RORA: variants seen among roughly 807,000 people sequenced by gnomAD.
RORA encodes the protein RAR related orphan receptor A.
RORA carries 7 observed loss-of-function variants against 69.5 expected under a neutral mutation model. That is an observed-to-expected ratio of 0.10 (90% confidence interval 0.06 to 0.19). The LOEUF (loss-of-function observed/expected upper bound fraction) is 0.19, where lower values mean the gene tolerates loss of function less well. Ranked by LOEUF, RORA falls within the 10% of genes least tolerant of loss-of-function variation. The pLI is 1.00. For missense variants in RORA, 457 were observed against 663.0 expected (o/e 0.69, Z 3.41); for synonymous variants, 261 against 240.8 (o/e 1.08, Z -0.78).
chr15:61,007,314 G>A (rs1894939253), intron 1 of RORA, among the ~76,000 whole-genome samples: 1 of 152,038 alleles, frequency 6.6e-6, no homozygotes, highest in African/African-American at 2.4e-5. Flanking sequence ...TAATTGATAG[G>A]CAATGTTTCT....
intron 2 of RORA, chr15:60,677,060 AC>A: frequency 2.5e-6 from 1 of 396,170 alleles, no homozygotes; most frequent in Non-Finnish European, 5.3e-6. Flanking sequence ...AGGAGTCCAT[AC>A]CCCAAACCAC....
chr15:60,878,302 G>A (rs1202997433), intron 1 of RORA, among the ~76,000 whole-genome samples: 1 of 144,918 alleles, frequency 6.9e-6, no homozygotes, highest in Non-Finnish European at 1.5e-5. Flanking sequence ...CGAGATCGCG[G>A]CATTGCACTC....
At chr15:60,769,136 A>G (rs2140879518) in intron 1 of RORA, among the ~76,000 whole-genome samples, 1 of 152,336 alleles carries the variant, frequency 6.6e-6, no homozygotes, top group South Asian at 2.1e-4. Context: ...CTTTCCCTTA[A>G]TAACAGGTTC....
At chr15:60,778,002 G>C (rs551550683) in intron 1 of RORA, among the ~76,000 whole-genome samples, 2 of 152,260 alleles carry the variant, frequency 1.3e-5, no homozygotes, top group South Asian at 2.1e-4. Context: ...TAATCCAATA[G>C]TCAATATGAG....
chr15:61,195,753 A>G (rs911677642), intron 1 of RORA: 1 of 152,342 alleles, frequency 6.6e-6, no homozygotes, highest in East Asian at 1.9e-4. Flanking sequence ...TTTTAGGTCT[A>G]TACCACTCAC....
Position 60,956,026 on chromosome 15 carries a change from T to C in RORA, c.166+273027A>G, listed in dbSNP as rs192886417. 2.7e-3 allele frequency among the ~76,000 whole-genome samples: 414 copies of C among 152,338 alleles called. 3 individuals carry two copies. The highest frequency in any genetic ancestry group is 9.4e-3 in the African/African-American group (391 of 41,578). On this transcript the variant is annotated intron_variant, in intron 1 of 10. Coordinates refer to ENST00000335670, the MANE Select transcript of RORA (RefSeq NM_134261.3). ...CTGGCACAATTTTAAAAAAGATTGC[T>C]TTACCTGGTTTTGTTTCCTTTCTGG... is the stretch of plus-strand genomic sequence containing the variant.
chr15:61,005,806 A>G, intron 1 of RORA, among the ~76,000 whole-genome samples: 1 of 152,184 alleles, frequency 6.6e-6, no homozygotes, highest in Non-Finnish European at 1.5e-5. Flanking sequence ...TCTAAACTAT[A>G]TAAACTTCCT....
At chr15:60,541,079 C>T (rs554307786) in intron 2 of RORA, among the ~76,000 whole-genome samples, 3 of 152,206 alleles carry the variant, frequency 2.0e-5, no homozygotes, top group South Asian at 2.1e-4. Flanking sequence ...GGGAAGGATC[C>T]GGTTTTTATT....
chr15:61,193,912 T>C (rs2079823514), intron 1 of RORA: 1 of 152,172 alleles, frequency 6.6e-6, no homozygotes, highest in Non-Finnish European at 1.5e-5. Context: ...GTTGTTGCTC[T>C]TAACGCGGCC....
At chr15:61,021,932 G>C (rs1792410746) in intron 1 of RORA, among the ~76,000 whole-genome samples, 1 of 152,170 alleles carries the variant, frequency 6.6e-6, no homozygotes, top group Non-Finnish European at 1.5e-5. Context: ...TACATGAATG[G>C]TATATCACCT....
chr15:60,499,297 G>A (rs1296444935), intron 10 of RORA, among the ~76,000 whole-genome samples: 1 of 152,138 alleles, frequency 6.6e-6, no homozygotes, highest in Non-Finnish European at 1.5e-5. Context: ...TATGGGAGGT[G>A]GAGGAGGGAG....
rs867793477 is a variant in RORA, at chr15:60,511,413, C to A, written c.633G>T (p.Gly211=). Residue 211 remains glycine, a synonymous_variant, in exon 5 of 11, where the codon GGG becomes GGT. Coordinates refer to ENST00000335670, the MANE Select transcript of RORA (RefSeq NM_134261.3). The surrounding 1 kb of genome is among the most constrained non-coding windows in gnomAD (Gnocchi z 6.4). ...TGCTGACGGCGGAGTCTGCCTTACT[C>A]CCCTCAGGGGTGTGCCCGTCAATGT... ...SNYIDGHTPE[G]SKADSAVSSF... 6.2e-7 allele frequency: 1 copy of A among 1,614,214 alleles called. No homozygotes were observed. Among genetic ancestry groups the A allele is most frequent in the Admixed American group, 1.7e-5 (1 of 60,028 alleles).
At chr15:61,099,464 G>C (rs1309437356) in intron 1 of RORA, among the ~76,000 whole-genome samples, 1 of 152,140 alleles carries the variant, frequency 6.6e-6, no homozygotes. Context: ...TAATTTTCTA[G>C]ATAAATCAGG....
intron 1 of RORA, among the ~76,000 whole-genome samples, chr15:60,850,632 T>C (rs533890270): frequency 1.3e-5 from 2 of 152,292 alleles, no homozygotes; most frequent in East Asian, 3.9e-4. Context: ...ATGATCATGT[T>C]TTCCCCCTCT....
chr15:61,168,642 A>G (rs1041770815), intron 1 of RORA, among the ~76,000 whole-genome samples: 3 of 152,068 alleles, frequency 2.0e-5, no homozygotes, highest in African/African-American at 7.2e-5. Context: ...AACCTGCCTT[A>G]TCTACTTAGC....
At chr15:61,059,315 A>G (rs906649589) in intron 1 of RORA, among the ~76,000 whole-genome samples, 2 of 152,252 alleles carry the variant, frequency 1.3e-5, no homozygotes, top group South Asian at 4.1e-4. Context: ...TGAGAGAAAC[A>G]TAAGATGTAG....
At chr15:60,706,028 A>G (rs761013127) in intron 1 of RORA, among the ~76,000 whole-genome samples, 5 of 152,178 alleles carry the variant, frequency 3.3e-5, no homozygotes, top group Non-Finnish European at 7.4e-5. Flanking sequence ...GAGCTATAGA[A>G]AGCACGGTAA....
At chr15:61,044,295 G>A (rs1308994962) in intron 1 of RORA, among the ~76,000 whole-genome samples, 1 of 152,102 alleles carries the variant, frequency 6.6e-6, no homozygotes, top group African/African-American at 2.4e-5. Flanking sequence ...CAAATGCCAG[G>A]CCCTTGGTAT....
chr15:61,027,298 G>C (rs1835106586), intron 1 of RORA, among the ~76,000 whole-genome samples: 1 of 152,094 alleles, frequency 6.6e-6, no homozygotes, highest in African/African-American at 2.4e-5. Flanking sequence ...TTTAGTCTTG[G>C]CCTGAAAACG....
Sources: allele counts gnomAD v4.1 joint callset (sites outside exome capture counted in the v4.1 genomes callset), GRCh38; gene constraint gnomAD v4.1.1; non-coding constraint Gnocchi (gnomAD v3.1); transcripts MANE v1.5; gene names NCBI Gene and HGNC (gene_info 2026-07-23, HGNC 2026-07-21).